The following SPDYE10 variants were observed in gnomAD, a reference collection of about 807,000 sequenced individuals.
SPDYE10 encodes the protein speedy protein E10.
At chr7:73,118,150 CAAAAAAAAAA>C in the SPDYE10 span, among the ~76,000 whole-genome samples, 4 of 6,206 alleles carry the variant, frequency 6.4e-4, no homozygotes, top group African/African-American at 1.7e-3. Context: ...GACTCTCTGT[CAAAAAAAAAA>C]AAAAAAAAAA....
chr7:73,123,767 C>T, the SPDYE10 span, among the ~76,000 whole-genome samples: 5 of 143,542 alleles, frequency 3.5e-5, no homozygotes, highest in East Asian at 2.0e-4. Flanking sequence ...CATTTCCTTT[C>T]TCTCTCTCTC....
chr7:73,128,057 CAAAGT>C, the SPDYE10 span, among the ~76,000 whole-genome samples: 1 of 150,626 alleles, frequency 6.6e-6, no homozygotes, highest in East Asian at 1.9e-4. Context: ...AAAACAGAAA[CAAAGT>C]AAATGTTCAC....
At chr7:73,115,021 C>T in the SPDYE10 span, among the ~76,000 whole-genome samples, 4 of 152,144 alleles carry the variant, frequency 2.6e-5, no homozygotes, top group Non-Finnish European at 2.9e-5. Context: ...CTCAGCCTCC[C>T]GAGTAGCTGG....
chr7:73,149,830 A>G, the SPDYE10 span, among the ~76,000 whole-genome samples: 1 of 118,666 alleles, frequency 8.4e-6, no homozygotes, highest in African/African-American at 3.7e-5. Flanking sequence ...TGATGGTCTC[A>G]GGGCAGCATT....
At chr7:73,154,838 C>A in the SPDYE10 span, 1 of 202,656 alleles carries the variant, frequency 4.9e-6, no homozygotes, top group Non-Finnish European at 1.0e-5. Context: ...GCAGCAGCAC[C>A]GGGGGAGCCC....
At chr7:73,149,896 C>A in the SPDYE10 span, among the ~76,000 whole-genome samples, 2 of 76,760 alleles carry the variant, frequency 2.6e-5, no homozygotes, top group Non-Finnish European at 5.1e-5. Context: ...TTTGCCAATA[C>A]CCCATTGGCC....
At chr7:73,104,157 T>TA in the SPDYE10 span, 1 of 139,988 alleles carries the variant, frequency 7.1e-6, no homozygotes, top group Non-Finnish European at 1.6e-5. Flanking sequence ...CAAAACAAGA[T>TA]AAAAAATTCC....
chr7:73,128,063 A>G, the SPDYE10 span, among the ~76,000 whole-genome samples: 4 of 151,620 alleles, frequency 2.6e-5, no homozygotes, highest in African/African-American at 4.9e-5. Context: ...GAAACAAAGT[A>G]AATGTTCACC....
chr7:73,130,269 C>A, the SPDYE10 span, among the ~76,000 whole-genome samples: 12,106 of 127,794 alleles, frequency 0.095, 8 homozygotes, highest in Middle Eastern at 0.17. Flanking sequence ...GCCTGGGCAA[C>A]ATGTTGAAAC....
At chr7:73,152,018 GT>G in the SPDYE10 span, among the ~76,000 whole-genome samples, 97 of 144,296 alleles carry the variant, frequency 6.7e-4, no homozygotes, top group African/African-American at 2.2e-3. Context: ...TGTTTTTTGT[GT>G]TTTTTTTTTT....
chr7:73,135,443 C>T, the SPDYE10 span, among the ~76,000 whole-genome samples: 1 of 145,904 alleles, frequency 6.9e-6, no homozygotes, highest in East Asian at 2.0e-4. Flanking sequence ...TTCATTCATT[C>T]AACAGATACT....
chr7:73,113,831 C>G, the SPDYE10 span, among the ~76,000 whole-genome samples: 10 of 151,980 alleles, frequency 6.6e-5, no homozygotes, highest in Admixed American at 3.3e-4. Context: ...ATCAGGAGAT[C>G]GAGACCATCC....
chr7:73,152,317 G>GTT, the SPDYE10 span, among the ~76,000 whole-genome samples: 3 of 126,644 alleles, frequency 2.4e-5, no homozygotes, highest in Non-Finnish European at 3.4e-5. Flanking sequence ...CCTGCCAGTT[G>GTT]TTTTTTTTTT....
At chr7:73,134,373 C>T in the SPDYE10 span, among the ~76,000 whole-genome samples, 4 of 95,978 alleles carry the variant, frequency 4.2e-5, no homozygotes, top group African/African-American at 1.4e-4. Flanking sequence ...GCCTGTTGTG[C>T]GGTGGAGGGA....
the SPDYE10 span, among the ~76,000 whole-genome samples, chr7:73,145,077 TTTTC>T: frequency 7.1e-6 from 1 of 140,218 alleles, no homozygotes; most frequent in African/African-American, 3.0e-5. Flanking sequence ...CCTTCCTGCT[TTTTC>T]TTTCTTCTTT....
At chr7:73,139,716 G>A in the SPDYE10 span, among the ~76,000 whole-genome samples, 1 of 145,994 alleles carries the variant, frequency 6.8e-6, no homozygotes, top group South Asian at 2.2e-4. Flanking sequence ...GAGTGCAGTG[G>A]CGCGATCTCG....
At chr7:73,123,788 C>CTCCCTCTCTCT in the SPDYE10 span, among the ~76,000 whole-genome samples, 8 of 97,454 alleles carry the variant, frequency 8.2e-5, no homozygotes, top group East Asian at 3.2e-4. Context: ...TCTCTCTCTC[C>CTCCCTCTCTCT]CTCTCTCTCT....
At chr7:73,141,162 G>T in the SPDYE10 span, among the ~76,000 whole-genome samples, 34 of 151,864 alleles carry the variant, frequency 2.2e-4, no homozygotes, top group Non-Finnish European at 4.4e-4. Flanking sequence ...TCAGTTATGG[G>T]TCTTAGTTGC....
the SPDYE10 span, among the ~76,000 whole-genome samples, chr7:73,152,345 T>C: frequency 1.4e-5 from 2 of 145,164 alleles, no homozygotes; most frequent in Admixed American, 6.8e-5. Context: ...AACTGAATTT[T>C]ATGCCTTCAG....
Sources: gnomAD v4.1 joint callset for allele counts (sites outside exome capture counted in the v4.1 genomes callset) on GRCh38, gnomAD v4.1.1 for gene constraint, MANE v1.5 for transcripts, NCBI Gene and HGNC (gene_info 2026-07-23, HGNC 2026-07-21) for gene names.